Variants in RASAL2 observed in about 807,000 individuals in gnomAD.
RASAL2 encodes the protein ras GTPase-activating protein nGAP.
RASAL2 carries 58 observed loss-of-function variants against 128.9 expected under a neutral mutation model. The ratio of observed to expected loss-of-function variants is 0.45; its 90% CI spans 0.36 to 0.56. The LOEUF is 0.56. Among genes scored for constraint, RASAL2 ranks in the 20% least tolerant of loss-of-function variants. The probability of loss-of-function intolerance (pLI) is 0.00; values close to 1 mark genes in which losing one functional copy is unlikely to be tolerated. For missense variants in RASAL2, 1,360 were observed against 1,601.6 expected, an observed-to-expected ratio of 0.85 and a Z score of 2.57; for synonymous variants, 561 against 580.8, an observed-to-expected ratio of 0.97 and a Z score of 0.49.
chr1:178,283,816 A>T (rs935236752), intron 2 of RASAL2, 125 bp downstream of exon 2: 6 of 1,143,220 alleles, frequency 5.2e-6, no homozygotes, highest in Non-Finnish European at 7.5e-6. Context: ...AGATATAGGT[A>T]AGTCTAAAAG....
chr1:178,358,001 T>C (rs1372212539), intron 3 of RASAL2, among the ~76,000 whole-genome samples: 1 of 151,850 alleles, frequency 6.6e-6, no homozygotes, highest in Non-Finnish European at 1.5e-5. Flanking sequence ...TTTGGGAAGC[T>C]AAGGAAGGCG....
intron 3 of RASAL2, among the ~76,000 whole-genome samples, chr1:178,384,546 T>C (rs1672449612): frequency 1.3e-5 from 2 of 151,892 alleles, no homozygotes; most frequent in Admixed American, 1.3e-4. Context: ...CACGCACCTG[T>C]GGTCCCAGCT....
Position 178,207,150 on chromosome 1 carries a change from CAAA to C in RASAL2, c.203-76398_203-76396del, listed in dbSNP as rs11350533. Among the ~76,000 whole-genome samples, 891 of 120,868 alleles carry C rather than the reference CAAA, an allele frequency of 7.4e-3. 15 individuals carry two copies. Among genetic ancestry groups the C allele is most frequent in the African/African-American group, 0.022 (763 of 34,178 alleles). The allele number at this position is 120,868 out of a possible 152,430, so 79.3% of individuals were successfully genotyped here. ...TGGGTGACAGAGTGAGACCTTGTCTCAAAAAAAAAAAAAAAAAAGTAATGATTT... is the reference window on the plus strand; with the variant it reads ...TGGGTGACAGAGTGAGACCTTGTCTCAAAAAAAAAAAAAAAGTAATGATTT... On this transcript the variant is annotated intron_variant, in intron 1 of 17. Transcript: ENST00000367649.
intron 1 of RASAL2, among the ~76,000 whole-genome samples, chr1:178,173,729 A>T (rs890126490): frequency 1.3e-5 from 2 of 151,986 alleles, no homozygotes; most frequent in Non-Finnish European, 2.9e-5. Context: ...AGAAGTAAGG[A>T]TTCAAATCCT....
intron 1 of RASAL2, among the ~76,000 whole-genome samples, chr1:178,246,646 G>C (rs1186839682): frequency 6.6e-6 from 1 of 152,040 alleles, no homozygotes; most frequent in African/African-American, 2.4e-5. Flanking sequence ...TCTTGTGCTT[G>C]TTTTCAAAGG....
intron 5 of RASAL2, among the ~76,000 whole-genome samples, chr1:178,433,118 A>ATAG (rs1324572191): frequency 6.6e-6 from 1 of 152,012 alleles, no homozygotes; most frequent in African/African-American, 2.4e-5. Context: ...CATCCATACT[A>ATAG]TAGTAGAGCC....
intron 3 of RASAL2, among the ~76,000 whole-genome samples, chr1:178,353,144 G>A (rs1304450696): frequency 1.3e-5 from 2 of 152,100 alleles, no homozygotes; most frequent in East Asian, 3.8e-4. Flanking sequence ...CCTGAAAATG[G>A]GCTCTTCTCT....
chr1:178,106,570 T>C (rs1206404825), intron 1 of RASAL2, among the ~76,000 whole-genome samples: 1 of 152,210 alleles, frequency 6.6e-6, no homozygotes, highest in Non-Finnish European at 1.5e-5. Context: ...TCTAAAACAA[T>C]GACTTTGCTT....
chr1:178,451,876 G>A (rs756609883), intron 10 of RASAL2, among the ~76,000 whole-genome samples, 161 bp downstream of exon 10: 45 of 152,078 alleles, frequency 3.0e-4, no homozygotes, highest in African/African-American at 3.6e-4. Context: ...ATACAGTCCC[G>A]TCTAAAATTG....
intron 1 of RASAL2, among the ~76,000 whole-genome samples, chr1:178,247,186 C>CCAGG (rs770549881): frequency 1.5e-4 from 23 of 152,152 alleles, no homozygotes; most frequent in Non-Finnish European, 3.1e-4. Context: ...GCTGTGGATC[C>CCAGG]ATCTGGTCCT....
chr1:178,232,175 G>A (rs1200709253), intron 1 of RASAL2, among the ~76,000 whole-genome samples: 1 of 152,120 alleles, frequency 6.6e-6, no homozygotes, highest in South Asian at 2.1e-4. Context: ...TCTGAAGTCT[G>A]TGAGGCTTTC....
Position 178,473,506 on chromosome 1 carries a change from A to C in RASAL2, c.*267A>C. The C allele has an allele frequency of 2.1e-6, 1 of 476,602 alleles. No individual in the cohort carries two copies. Among genetic ancestry groups the C allele is most frequent in the East Asian group, 3.8e-5 (1 of 26,122 alleles). 29.5% of individuals were successfully genotyped at this position (476,602 alleles called of 1,614,324 possible). On this transcript the variant is annotated 3_prime_UTR_variant, in exon 18 of 18. Coordinates refer to ENST00000367649, the MANE Select transcript of RASAL2 (RefSeq NM_170692.4). ...ATATCACTGTAATATACCAAAAGGA[A>C]GTTAATAATGTAGATTACCTTTTTG...
intron 1 of RASAL2, among the ~76,000 whole-genome samples, chr1:178,218,297 A>AGCTCT (rs1276802736): frequency 5.9e-5 from 9 of 152,184 alleles, no homozygotes; most frequent in Non-Finnish European, 1.2e-4. Context: ...TCTCTATCAG[A>AGCTCT]GCTCTTGGGG....
rs59823274 is a variant in RASAL2, at chr1:178,395,791, ATTTATT to A, written c.564+5587_564+5592del. Among the ~76,000 whole-genome samples the A allele has an allele frequency of 1.5e-3, 207 of 134,352 alleles. 8 individuals carry two copies. Among genetic ancestry groups the A allele is most frequent in the African/African-American group, 5.7e-3 (200 of 34,904 alleles). The allele number at this position is 134,352 out of a possible 152,430, so 88.1% of individuals were successfully genotyped here. Reference sequence around the variant, plus strand: ...GAACAGTATATATATATATATATATATTTATTTATTCATATGTGTATGAATGTATAG... The same window carrying A: ...GAACAGTATATATATATATATATATATATTCATATGTGTATGAATGTATAG... On this transcript the variant is annotated intron_variant, in intron 4 of 17. Transcript: ENST00000367649.
intron 2 of RASAL2, 119 bp from the exon 3 acceptor site, chr1:178,299,873 T>G: frequency 1.0e-6 from 1 of 988,442 alleles, no homozygotes; most frequent in Non-Finnish European, 1.5e-6. Context: ...TTTCTATATT[T>G]CTCCTGCCTT....
chr1:178,338,547 A>G (rs1669707976), intron 3 of RASAL2, among the ~76,000 whole-genome samples: 1 of 152,228 alleles, frequency 6.6e-6, no homozygotes. Flanking sequence ...ACATTCTTCA[A>G]AATTCAGCAA....
intron 16 of RASAL2, among the ~76,000 whole-genome samples, chr1:178,466,704 G>T (rs1356919158): frequency 6.6e-6 from 1 of 152,160 alleles, no homozygotes; most frequent in East Asian, 1.9e-4. Flanking sequence ...CTTGCCCAAG[G>T]TCACATAGTG....
chr1:178,406,240 G>A (rs1269955810), intron 4 of RASAL2, among the ~76,000 whole-genome samples: 1 of 152,168 alleles, frequency 6.6e-6, no homozygotes, highest in Admixed American at 6.5e-5. Context: ...AATTGTTGGT[G>A]TACCCATACA....
chr1:178,294,932 T>G (rs905557120), intron 2 of RASAL2, among the ~76,000 whole-genome samples: 12 of 152,126 alleles, frequency 7.9e-5, no homozygotes, highest in Admixed American at 6.5e-4. Flanking sequence ...CTGAAGTATA[T>G]TGAAAACAGA....
Sources: allele counts gnomAD v4.1 joint callset (sites outside exome capture counted in the v4.1 genomes callset), GRCh38; gene constraint gnomAD v4.1.1; transcripts MANE v1.5; gene names NCBI Gene and HGNC (gene_info 2026-07-23, HGNC 2026-07-21).